TGFA: variants seen among roughly 807,000 people sequenced by gnomAD.
The protein encoded by TGFA is protransforming growth factor alpha.
In TGFA, 12 loss-of-function variants were observed where a neutral mutation model predicts 21.7. The observed-to-expected ratio is 0.55, with a 90% CI of 0.35 to 0.90. TGFA has a LOEUF of 0.90. Among genes scored for constraint, TGFA ranks in the 40% least tolerant of loss-of-function variants. The pLI, the probability that TGFA is intolerant of heterozygous loss-of-function variation, is 0.01. For synonymous variants in TGFA, 79 were observed against 88.1 expected (o/e 0.90, Z 0.58); for missense variants, 178 against 210.8 (o/e 0.84, Z 0.96).
At position 70,499,927 on chromosome 2, in the gene TGFA, C is replaced by G. The variant is rs62151574; in HGVS notation, c.94+14932G>C. ...ATAAACATAAGCCGCATAAGTAATT[C>G]TATATATTCTAGTAGCCACCTTTAG... On this transcript the variant is annotated intron_variant, in intron 2 of 5. Transcript: ENST00000295400. Among the ~76,000 whole-genome samples the G allele has an allele frequency of 6.9e-3, 1,046 of 152,224 alleles. 15 individuals carry two copies. The highest frequency in any genetic ancestry group is 0.011 in the Non-Finnish European group (782 of 68,006).
intron 1 of TGFA, among the ~76,000 whole-genome samples, chr2:70,547,840 TAGAG>T (rs1559147246): frequency 6.8e-6 from 1 of 146,940 alleles, no homozygotes; most frequent in Non-Finnish European, 1.5e-5. Context: ...TAGATATATA[TAGAG>T]ATATATATAT....
At chr2:70,516,877 G>C (rs920790891) in intron 1 of TGFA, among the ~76,000 whole-genome samples, 60 of 82,148 alleles carry the variant, frequency 7.3e-4, no homozygotes, top group African/African-American at 4.9e-3. Flanking sequence ...AAACTGCCCC[G>C]AACTAAAGAA....
chr2:70,464,749 C>T (rs1670499940), intron 3 of TGFA, among the ~76,000 whole-genome samples: 1 of 152,162 alleles, frequency 6.6e-6, no homozygotes, highest in African/African-American at 2.4e-5. Flanking sequence ...AGAATAAAGA[C>T]AGCTTTCAAC....
chr2:70,479,613 T>C (rs1359991091), intron 2 of TGFA, among the ~76,000 whole-genome samples: 14 of 152,214 alleles, frequency 9.2e-5, no homozygotes, highest in African/African-American at 3.4e-4. Flanking sequence ...GAATTATCTG[T>C]ATATTGGATC....
At chr2:70,544,599 A>G (rs1574150892) in intron 1 of TGFA, among the ~76,000 whole-genome samples, 1 of 152,234 alleles carries the variant, frequency 6.6e-6, no homozygotes, top group Non-Finnish European at 1.5e-5. Context: ...CTGAATCCCT[A>G]GCATCTAGAA....
At position 70,450,853 on chromosome 2, in the gene TGFA, G is replaced by T; in HGVS notation, c.*6C>A. ...TCCACCTGGCCAAACTCCTCCTCTG[G>T]GCTCTTCAGACCACTGGCAGGAAGG... On this transcript the variant is annotated 3_prime_UTR_variant, in exon 6 of 6. Transcript: ENST00000295400. 1.2e-6 allele frequency: 2 copies of T among 1,609,722 alleles called. No individual in the cohort carries two copies. The highest frequency in any genetic ancestry group is 1.7e-6 in the Non-Finnish European group (2 of 1,177,950).
chr2:70,463,362 G>GT, intron 3 of TGFA, among the ~76,000 whole-genome samples: 1 of 152,296 alleles, frequency 6.6e-6, no homozygotes. Context: ...TTAGCAAAGT[G>GT]TAAGGGTGTG....
intron 1 of TGFA, among the ~76,000 whole-genome samples, chr2:70,541,672 G>A (rs1364651547): frequency 2.0e-5 from 3 of 152,174 alleles, no homozygotes; most frequent in Admixed American, 6.5e-5. Flanking sequence ...GCACAGGGGT[G>A]TGCTTGTTTT....
chr2:70,543,814 G>T (rs778078184), intron 1 of TGFA, among the ~76,000 whole-genome samples: 3 of 152,116 alleles, frequency 2.0e-5, no homozygotes, highest in Non-Finnish European at 4.4e-5. Context: ...CAAAAAAGAT[G>T]AGATGCTTTA....
intron 2 of TGFA, among the ~76,000 whole-genome samples, chr2:70,482,039 T>C (rs1320452166): frequency 6.6e-6 from 1 of 152,178 alleles, no homozygotes; most frequent in East Asian, 1.9e-4. Context: ...ATAAATAACA[T>C]ACACTTTGAG....
In TGFA at chr2:70,460,589, C is replaced by T. The variant is rs536493663; in HGVS notation, c.216-4101G>A. ...CCACAGGGCTATGAGACAGTGGGTGCACTAGGACCAAGGGCACGTGTATTG... is the reference window on the plus strand; with the variant it reads ...CCACAGGGCTATGAGACAGTGGGTGTACTAGGACCAAGGGCACGTGTATTG... On this transcript the variant is annotated intron_variant, in intron 3 of 5. Coordinates refer to ENST00000295400, the MANE Select transcript of TGFA (RefSeq NM_003236.4). Among the ~76,000 whole-genome samples the T allele has an allele frequency of 2.0e-4, 31 of 152,262 alleles. No individual in the cohort carries two copies. The South Asian group carries it at 6.4e-3, about 32-fold the overall frequency.
intron 1 of TGFA, chr2:70,553,259 G>T (rs2103968310): frequency 1.3e-6 from 2 of 1,536,098 alleles, no homozygotes; most frequent in Admixed American, 2.0e-5. Flanking sequence ...CGTCGCTGGG[G>T]CTTAGAGGTG....
At chr2:70,503,402 C>CATCA (rs577435086) in intron 2 of TGFA, among the ~76,000 whole-genome samples, 41 of 135,108 alleles carry the variant, frequency 3.0e-4, no homozygotes, top group Middle Eastern at 3.9e-3. Context: ...GGAAGGGGAA[C>CATCA]ATCACACACC....
chr2:70,490,480 C>T (rs1242067959), intron 2 of TGFA, among the ~76,000 whole-genome samples: 2 of 152,206 alleles, frequency 1.3e-5, no homozygotes, highest in Non-Finnish European at 2.9e-5. Flanking sequence ...GCGCTTTGCA[C>T]TGCAGTTACG....
chr2:70,453,259 G>C lies in TGFA; in HGVS notation c.434C>G (p.Ala145Gly), dbSNP rs782808061. 1.2e-6 allele frequency: 2 copies of C among 1,614,072 alleles called. No individual in the cohort carries two copies. Among genetic ancestry groups the C allele is most frequent in the Admixed American group, 1.7e-5 (1 of 60,032 alleles). ...ALICRHEKPS[A>G]LLKGRTACCH... ...GCAAGCGGTTCTTCCCTTCAGGAGG[G>C]CGCTGGGCTTCTCGTGCCGGCAGAT... The change falls in exon 5 of 6, where the codon GCC (alanine) becomes GGC (glycine). Residue 145 changes from alanine to glycine, a missense_variant. Ala to Gly is a moderately conservative substitution (Grantham distance 60). Coordinates refer to ENST00000295400, the MANE Select transcript of TGFA (RefSeq NM_003236.4).
At chr2:70,459,280 A>G (rs915924546) in intron 3 of TGFA, among the ~76,000 whole-genome samples, 2 of 152,254 alleles carry the variant, frequency 1.3e-5, no homozygotes, top group African/African-American at 4.8e-5. Context: ...GCTAATTACA[A>G]CACATAACAT....
intron 2 of TGFA, among the ~76,000 whole-genome samples, chr2:70,471,679 C>T (rs954462008): frequency 6.6e-6 from 1 of 151,658 alleles, no homozygotes; most frequent in Admixed American, 6.5e-5. Flanking sequence ...AGGGATGTCA[C>T]TTATTGAGTG....
intron 2 of TGFA, among the ~76,000 whole-genome samples, chr2:70,488,477 C>T (rs1671332116): frequency 6.6e-6 from 1 of 152,176 alleles, no homozygotes; most frequent in Admixed American, 6.5e-5. Flanking sequence ...TTACCTTTAT[C>T]ATAGGCTAAT....
At chr2:70,472,902 C>T (rs1279956151) in intron 2 of TGFA, among the ~76,000 whole-genome samples, 1 of 152,264 alleles carries the variant, frequency 6.6e-6, no homozygotes, top group Non-Finnish European at 1.5e-5. Context: ...TTAGTAGGAA[C>T]TTTCAGCCAA....
Sources: allele counts gnomAD v4.1 joint callset (sites outside exome capture counted in the v4.1 genomes callset), GRCh38; gene constraint gnomAD v4.1.1; transcripts MANE v1.5; gene names NCBI Gene and HGNC (gene_info 2026-07-23, HGNC 2026-07-21).